Variants in ACO1 observed in about 807,000 individuals in gnomAD.
ACO1 encodes aconitase 1, also known as cytoplasmic aconitate hydratase.
A neutral mutation model predicts 105.1 loss-of-function variants in ACO1; 78 were observed. The ratio of observed to expected loss-of-function variants is 0.74; its 90% CI spans 0.62 to 0.90. The LOEUF (loss-of-function observed/expected upper bound fraction) is 0.90, where lower values mean the gene tolerates loss of function less well. ACO1 is among the 40% of genes least tolerant of loss of function. The pLI is 0.00. For missense variants in ACO1, 965 were observed against 1,111.1 expected (o/e 0.87, Z 1.87); for synonymous variants, 364 against 397.4 (o/e 0.92, Z 1.00).
chr9:32,410,548 A>G (rs941874123), intron 4 of ACO1, among the ~76,000 whole-genome samples: 1 of 151,624 alleles, frequency 6.6e-6, no homozygotes, highest in African/African-American at 2.4e-5. Context: ...CGACAGAGCA[A>G]GACTCCGTCT....
chr9:32,418,365 C>T lies in ACO1; in HGVS notation c.512C>T (p.Pro171Leu), dbSNP rs771866685. 5 of 1,613,986 alleles carry T rather than the reference C, an allele frequency of 3.1e-6. No individual in the cohort carries two copies. Among genetic ancestry groups the T allele is most frequent in the Non-Finnish European group, 4.2e-6 (5 of 1,180,032 alleles). ...GCTTTTCACAACATGCGGATTATTC[C>T]CCCTGGCTCAGGAATCATCCACCAG... Reference protein sequence around the residue: ...SQAFHNMRIIPPGSGIIHQVN... With the variant: ...SQAFHNMRIILPGSGIIHQVN... Residue 171 changes from proline (P) to leucine (L), a missense_variant, in exon 6 of 21, where the codon CCC (proline) becomes CTC (leucine). Physicochemically the swap from Pro to Leu is moderately conservative, Grantham distance 98 (BLOSUM62 -3). Transcript: ENST00000309951.
intron 1 of ACO1, among the ~76,000 whole-genome samples, chr9:32,389,259 T>C (rs932106985): frequency 1.3e-5 from 2 of 152,242 alleles, no homozygotes; most frequent in African/African-American, 2.4e-5. Flanking sequence ...GCAGCGGATA[T>C]GCCAAAACAT....
intron 8 of ACO1, among the ~76,000 whole-genome samples, chr9:32,422,009 T>C (rs1821986165): frequency 6.6e-6 from 1 of 152,236 alleles, no homozygotes; most frequent in Non-Finnish European, 1.5e-5. Flanking sequence ...TATAAACACA[T>C]TGAAATTGAT....
chr9:32,385,340 A>G (rs1187413177), intron 1 of ACO1, among the ~76,000 whole-genome samples: 1 of 152,200 alleles, frequency 6.6e-6, no homozygotes, highest in Non-Finnish European at 1.5e-5. Context: ...CTTGCAACAC[A>G]TGTAACTCTC....
chr9:32,413,993 C>T (rs1278417997), intron 4 of ACO1, among the ~76,000 whole-genome samples: 1 of 151,938 alleles, frequency 6.6e-6, no homozygotes, highest in Non-Finnish European at 1.5e-5. Flanking sequence ...ACTAAAAATA[C>T]AAAAAATTAA....
In ACO1 at chr9:32,454,010, C is replaced by T. The variant is rs1822825234; in HGVS notation, c.*3899C>T. ...CGGCATAATGAAACAGAGTTCCAGA[C>T]ATGTACCTGCCAAATTTGGTTCTGG... On this transcript the variant is annotated 3_prime_UTR_variant, in exon 21 of 21. Transcript: ENST00000309951. The T allele has an allele frequency of 6.6e-6, 1 of 152,198 alleles. No individual in the cohort carries two copies. Among genetic ancestry groups the T allele is most frequent in the South Asian group, 2.1e-4 (1 of 4,828 alleles). 9.4% of individuals were successfully genotyped at this position (152,198 alleles called of 1,614,324 possible).
chr9:32,436,360 A>G lies in ACO1; in HGVS notation c.2210A>G (p.Gln737Arg), dbSNP rs773395876. The G allele has an allele frequency of 3.1e-6, 5 of 1,614,214 alleles. No individual in the cohort carries two copies. Among genetic ancestry groups the G allele is most frequent in the Non-Finnish European group, 4.2e-6 (5 of 1,180,022 alleles). The stretch of plus-strand genomic sequence containing the variant: ...TTGTTAAACAGATTTTTGAACAAGC[A>G]GGCACCACAGACTATCCATCTGCCT... ...IRLLNRFLNK[Q>R]APQTIHLPSG... Residue 737 changes from glutamine (Q) to arginine (R), a missense_variant, in exon 18 of 21, where the codon CAG (glutamine) becomes CGG (arginine). Physicochemically the swap from Gln to Arg is conservative, Grantham distance 43. Transcript: ENST00000309951.
chr9:32,396,843 G>A lies in ACO1; in HGVS notation c.-22-8642G>A, dbSNP rs557069435. Among the ~76,000 whole-genome samples, 4 of 152,284 alleles carry A rather than the reference G, an allele frequency of 2.6e-5. No individual in the cohort carries two copies. The East Asian group carries it at 7.7e-4, about 29-fold the overall frequency. The stretch of plus-strand genomic sequence containing the variant: ...CATGTAATAGACAGTTAACATAAAT[G>A]TGAATGAATGAATCATTGAATTTTT... On this transcript the variant is annotated intron_variant, in intron 1 of 20. Coordinates refer to ENST00000309951, the MANE Select transcript of ACO1 (RefSeq NM_002197.3).
intron 6 of ACO1, 138 bp from the exon 7 acceptor site, chr9:32,418,900 G>T: frequency 9.5e-7 from 1 of 1,050,660 alleles, no homozygotes; most frequent in Non-Finnish European, 1.3e-6. Context: ...AAAAATAACT[G>T]CTCTTTATAG....
At position 32,426,007 on chromosome 9, in the gene ACO1, T is replaced by C. The variant is rs1178840439; in HGVS notation, c.1348+10T>C. ...GTGATGTTAGGGGCAGGTAAGTGCA[T>C]TTGACTCCATCCTCATGGTCATACA... is the stretch of plus-strand genomic sequence containing the variant. On this transcript the variant is annotated intron_variant, in intron 11 of 20. Coordinates refer to ENST00000309951, the MANE Select transcript of ACO1 (RefSeq NM_002197.3). 1 of 1,612,522 alleles carries C rather than the reference T, an allele frequency of 6.2e-7. No homozygotes were observed. The highest frequency in any genetic ancestry group is 1.3e-5 in the African/African-American group (1 of 74,896).
chr9:32,389,382 A>G (rs1277295226), intron 1 of ACO1, among the ~76,000 whole-genome samples: 1 of 152,214 alleles, frequency 6.6e-6, no homozygotes, highest in Admixed American at 6.5e-5. Flanking sequence ...ACCAAAATCA[A>G]CCCCTACAGT....
intron 3 of ACO1, 84 bp from the exon 4 acceptor site, chr9:32,408,430 T>C: frequency 1.3e-6 from 2 of 1,514,784 alleles, no homozygotes; most frequent in South Asian, 1.2e-5. Flanking sequence ...GCCTTGTCAA[T>C]ATTATCAATG....
At chr9:32,390,124 A>G (rs948435093) in intron 1 of ACO1, among the ~76,000 whole-genome samples, 1 of 151,594 alleles carries the variant, frequency 6.6e-6, no homozygotes, top group Non-Finnish European at 1.5e-5. Flanking sequence ...CTTCAACATC[A>G]CCTCTTTTTC....
intron 1 of ACO1, among the ~76,000 whole-genome samples, chr9:32,389,362 A>G (rs938371203): frequency 6.6e-6 from 1 of 152,162 alleles, no homozygotes; most frequent in Non-Finnish European, 1.5e-5. Flanking sequence ...TAAATATTAC[A>G]TTTGACATTA....
chr9:32,408,961 A>G (rs1314738579), intron 4 of ACO1, among the ~76,000 whole-genome samples: 1 of 152,214 alleles, frequency 6.6e-6, no homozygotes, highest in Admixed American at 6.5e-5. Context: ...ACACAAGTAT[A>G]TGTCAGTGCA....
At chr9:32,445,601 GTC>G (rs1452609854) in intron 19 of ACO1, 2 of 307,326 alleles carry the variant, frequency 6.5e-6, no homozygotes, top group Admixed American at 3.9e-5. Flanking sequence ...AGTTTCTGGT[GTC>G]TCTGTCTCCT....
intron 19 of ACO1, among the ~76,000 whole-genome samples, chr9:32,444,030 C>T (rs1822543387): frequency 6.7e-6 from 1 of 148,510 alleles, no homozygotes; most frequent in African/African-American, 2.5e-5. Context: ...TTCATGGGTT[C>T]TCATTGTTCA....
At chr9:32,438,985 A>G (rs1046908969) in intron 18 of ACO1, among the ~76,000 whole-genome samples, 6 of 152,264 alleles carry the variant, frequency 3.9e-5, no homozygotes, top group African/African-American at 1.4e-4. Context: ...GCTAAATGCT[A>G]TGTTCTCTTT....
At chr9:32,412,294 A>G (rs1821757344) in intron 4 of ACO1, among the ~76,000 whole-genome samples, 1 of 152,240 alleles carries the variant, frequency 6.6e-6, no homozygotes, top group African/African-American at 2.4e-5. Context: ...CATAAGCTAC[A>G]TGGAAAATGA....
Sources: gnomAD v4.1 joint callset for allele counts (sites outside exome capture counted in the v4.1 genomes callset) on GRCh38, gnomAD v4.1.1 for gene constraint, MANE v1.5 for transcripts, NCBI Gene and HGNC (gene_info 2026-07-23, HGNC 2026-07-21) for gene names.